The following CAPN9 variants were observed in gnomAD, a reference collection of about 807,000 sequenced individuals.
The protein encoded by CAPN9 is calpain-9.
CAPN9 carries 81 observed loss-of-function variants against 92.8 expected under a neutral mutation model. The observed-to-expected ratio is 0.87, with a 90% CI of 0.73 to 1.05. The LOEUF (loss-of-function observed/expected upper bound fraction) is 1.05. Ranked by LOEUF, CAPN9 falls within the 50% of genes least tolerant of loss-of-function variation. The pLI, the probability that CAPN9 is intolerant of heterozygous loss-of-function variation, is 0.00. For synonymous variants in CAPN9, 304 were observed against 328.0 expected (o/e 0.93, Z 0.79); for missense variants, 848 against 866.2 (o/e 0.98, Z 0.26).
At position 230,792,493 on chromosome 1, in the gene CAPN9, T is replaced by C. The variant is rs370203510; in HGVS notation, c.1790T>C (p.Ile597Thr). 8.1e-6 allele frequency: 13 copies of C among 1,612,922 alleles called. No individual in the cohort carries two copies. The East Asian group carries it at 1.1e-4, about 14-fold the overall frequency. ...KVFWDKLKQW[I>T]NLFLRFDADK... ...TTCTGGGACAAGCTGAAGCAGTGGA[T>C]TGTATGTAACCTGGAGCAGGGCTTG... Residue 597 changes from isoleucine (I) to threonine (T), a missense_variant and splice_region_variant, in exon 16 of 20, where the codon ATT becomes ACT. Coordinates refer to ENST00000271971, the MANE Select transcript of CAPN9 (RefSeq NM_006615.3).
Position 230,780,276 on chromosome 1 carries a change from TA to T in CAPN9, c.1213del (p.Arg405GlufsTer12), listed in dbSNP as rs538472073. On this transcript the variant is annotated frameshift_variant, in exon 10 of 20. Transcript: ENST00000271971. LOFTEE classifies it high-confidence loss of function. ...SFLVALMQKD[R>X]RKLKRFGANV... ...TCCTTGTAGCCCTGATGCAGAAAGA[TA>T]GAAGGAAACTCAAGAGATTTGGTGC... The T allele has an allele frequency of 6.2e-7, 1 of 1,614,022 alleles. No homozygotes were observed. Among genetic ancestry groups the T allele is most frequent in the Non-Finnish European group, 8.5e-7 (1 of 1,180,008 alleles).
chr1:230,786,221 G>A, intron 12 of CAPN9: 1 of 966,934 alleles, frequency 1.0e-6, no homozygotes, highest in Non-Finnish European at 1.2e-6. Context: ...CCTGGCATGG[G>A]AGTGAGGTGG....
intron 1 of CAPN9, among the ~76,000 whole-genome samples, chr1:230,748,790 A>C (rs1241203226): frequency 1.3e-5 from 2 of 152,190 alleles, no homozygotes; most frequent in African/African-American, 2.4e-5. Flanking sequence ...ATCTCCCAAC[A>C]TTAAAATAAT....
At chr1:230,755,948 C>T (rs1665196947) in intron 2 of CAPN9, among the ~76,000 whole-genome samples, 1 of 152,160 alleles carries the variant, frequency 6.6e-6, no homozygotes, top group South Asian at 2.1e-4. Context: ...CCCAGCAATC[C>T]AGTCTCCCTC....
At chr1:230,791,284 A>G (rs140882845) in intron 14 of CAPN9, among the ~76,000 whole-genome samples, 1 of 152,220 alleles carries the variant, frequency 6.6e-6, no homozygotes, top group African/African-American at 2.4e-5. Context: ...CTATGGTTAC[A>G]TGGTGGCATA....
chr1:230,780,009 T>C (rs1252709831), intron 9 of CAPN9, among the ~76,000 whole-genome samples, 170 bp from the exon 10 acceptor site: 1 of 152,104 alleles, frequency 6.6e-6, no homozygotes, highest in East Asian at 1.9e-4. Context: ...GGAGGACTTA[T>C]TGAACAGGGA....
chr1:230,759,865 T>C (rs1008236183), intron 3 of CAPN9, among the ~76,000 whole-genome samples: 10 of 152,190 alleles, frequency 6.6e-5, no homozygotes, highest in Admixed American at 5.2e-4. Flanking sequence ...AAACTATAAG[T>C]GATGTTTTGG....
At chr1:230,781,931 T>G (rs189370862) in intron 11 of CAPN9, among the ~76,000 whole-genome samples, 210 of 152,342 alleles carry the variant, frequency 1.4e-3, no homozygotes, top group African/African-American at 4.9e-3. Context: ...GTCTTTAATT[T>G]TTAAACACTC....
At chr1:230,764,742 T>C (rs1447046745) in intron 4 of CAPN9, among the ~76,000 whole-genome samples, 1 of 152,184 alleles carries the variant, frequency 6.6e-6, no homozygotes, top group African/African-American at 2.4e-5. Flanking sequence ...AGTGAACGGA[T>C]GGTGGATGGC....
chr1:230,768,907 A>G (rs1400403491), intron 5 of CAPN9, among the ~76,000 whole-genome samples: 2 of 152,218 alleles, frequency 1.3e-5, no homozygotes, highest in African/African-American at 4.8e-5. Context: ...GAAGGTGACA[A>G]GTTGTTCTGT....
intron 19 of CAPN9, among the ~76,000 whole-genome samples, chr1:230,800,273 A>C (rs1668623855): frequency 7.3e-6 from 1 of 136,102 alleles, no homozygotes; most frequent in Admixed American, 7.5e-5. Context: ...AAAGAAAGAA[A>C]GAAAGAAAGA....
intron 17 of CAPN9, among the ~76,000 whole-genome samples, chr1:230,793,315 C>T (rs1275185941): frequency 5.9e-5 from 9 of 152,176 alleles, no homozygotes; most frequent in Admixed American, 2.0e-4. Flanking sequence ...TGGTTGTTAT[C>T]GTGGATGAGA....
rs1467137143 is a variant in CAPN9 at position 230,760,688 on chromosome 1, C to T, written c.402+1058C>T. ...ACTCTACCCCTGCTCTCTCACAGACCTGCCACCACCTGGCTGTCTCCCTTC... is the reference window on the plus strand; with the variant it reads ...ACTCTACCCCTGCTCTCTCACAGACTTGCCACCACCTGGCTGTCTCCCTTC... On this transcript the variant is annotated intron_variant, in intron 3 of 19. Transcript: ENST00000271971. Among the ~76,000 whole-genome samples the T allele has an allele frequency of 3.3e-5, 5 of 152,104 alleles. No individual in the cohort carries two copies. In the South Asian group the frequency reaches 8.3e-4, roughly 25 times the overall value.
chr1:230,792,399 A>G (rs1272036786), intron 15 of CAPN9, 27 bp from the exon 16 acceptor site: 1 of 1,605,594 alleles, frequency 6.2e-7, no homozygotes, highest in Non-Finnish European at 8.5e-7. Flanking sequence ...AACACTGCTC[A>G]TGTCTCCCTT....
intron 18 of CAPN9, among the ~76,000 whole-genome samples, chr1:230,795,759 C>A (rs1668311737): frequency 1.3e-5 from 2 of 152,056 alleles, no homozygotes; most frequent in South Asian, 4.2e-4. Context: ...AGCCATCCTG[C>A]CCCTCAAAGG....
Position 230,779,004 on chromosome 1 carries a change from G to A in CAPN9, c.985G>A (p.Asp329Asn), listed in dbSNP as rs373024313. 3.9e-5 allele frequency: 63 copies of A among 1,613,650 alleles called. No homozygotes were observed. The highest frequency in any genetic ancestry group is 2.0e-4 in the Admixed American group (12 of 59,998). The change falls in exon 9 of 20, where the codon GAT (aspartate) becomes AAT (asparagine). Residue 329 changes from aspartate to asparagine, a missense_variant. Transcript: ENST00000271971. ...MAFKDFKAHF[D>N]KVEICNLTPD... Reference sequence around the variant, plus strand: ...ATTTAAGGACTTCAAGGCCCACTTTGATAAAGTGGAGATCTGCAACCTCAC... The same window carrying A: ...ATTTAAGGACTTCAAGGCCCACTTTAATAAAGTGGAGATCTGCAACCTCAC...
At chr1:230,781,299 T>TGG (rs1667210692) in intron 11 of CAPN9, among the ~76,000 whole-genome samples, 1 of 152,204 alleles carries the variant, frequency 6.6e-6, no homozygotes, top group South Asian at 2.1e-4. Flanking sequence ...TCACAAGACA[T>TGG]TCTTGGGTGG....
At chr1:230,768,084 AT>A (rs1666126980) in intron 5 of CAPN9, among the ~76,000 whole-genome samples, 1 of 151,184 alleles carries the variant, frequency 6.6e-6, no homozygotes, top group Non-Finnish European at 1.5e-5. Context: ...ATAAAAATAA[AT>A]AAATAAAACA....
At chr1:230,764,895 G>A (rs1339873940) in intron 4 of CAPN9, among the ~76,000 whole-genome samples, 1 of 152,132 alleles carries the variant, frequency 6.6e-6, no homozygotes, top group Non-Finnish European at 1.5e-5. Context: ...AGAGATACAT[G>A]GATCTGTACA....
Sources: gnomAD v4.1 joint callset for allele counts (sites outside exome capture counted in the v4.1 genomes callset) on GRCh38, gnomAD v4.1.1 for gene constraint, MANE v1.5 for transcripts, NCBI Gene and HGNC (gene_info 2026-07-23, HGNC 2026-07-21) for gene names.